The following PTBP3 variants were observed in gnomAD, a reference collection of about 807,000 sequenced individuals.
PTBP3 encodes polypyrimidine tract binding protein 3.
In PTBP3, 20 loss-of-function variants were observed where a neutral mutation model predicts 58.7. The observed-to-expected ratio is 0.34, with a 90% confidence interval of 0.24 to 0.50. PTBP3 has a LOEUF of 0.50. PTBP3 is among the 20% of genes least tolerant of loss of function. The probability of loss-of-function intolerance (pLI) is 0.98; values close to 1 mark genes in which losing one functional copy is unlikely to be tolerated. For missense variants in PTBP3, 509 were observed against 637.2 expected, an observed-to-expected ratio of 0.80 and a Z score of 2.17; for synonymous variants, 185 against 219.8, an observed-to-expected ratio of 0.84 and a Z score of 1.40.
At position 112,220,301 on chromosome 9, in the gene PTBP3, C is replaced by T. The variant is rs755566225; in HGVS notation, c.*3550G>A. ...GAACAGAGAGCCAGGCGTGGTGGCT[C>T]ATGCCTGTAATCCCAGCACTGTGGG... On this transcript the variant is annotated 3_prime_UTR_variant, in exon 14 of 14. Transcript: ENST00000374257. 9 of 1,314,862 alleles carry T rather than the reference C, an allele frequency of 6.8e-6. No individual in the cohort carries two copies. The highest frequency in any genetic ancestry group is 1.5e-5 in the African/African-American group (1 of 66,770). The allele number at this position is 1,314,862 out of a possible 1,614,324, so 81.4% of individuals were successfully genotyped here. A position where few individuals can be genotyped will look rare whatever the true frequency, so the allele number is the denominator to read the frequency against.
chr9:112,320,307 TATA>T (rs1829882523), intron 1 of PTBP3, among the ~76,000 whole-genome samples: 1 of 52,686 alleles, frequency 1.9e-5, no homozygotes, highest in South Asian at 9.0e-4. Context: ...TATATATATA[TATA>T]TATATTTTTT....
At chr9:112,330,675 A>G (rs1377505741) in intron 1 of PTBP3, among the ~76,000 whole-genome samples, 1 of 152,244 alleles carries the variant, frequency 6.6e-6, no homozygotes, top group East Asian at 1.9e-4. Context: ...GCAAATCCTT[A>G]CTACCAATGC....
chr9:112,266,661 G>C (rs1836812694), intron 4 of PTBP3, among the ~76,000 whole-genome samples: 1 of 152,056 alleles, frequency 6.6e-6, no homozygotes, highest in Admixed American at 6.6e-5. Flanking sequence ...AAGCTGATGA[G>C]GTAATGCTAT....
At chr9:112,266,323 ATAAG>A (rs1227928772) in intron 4 of PTBP3, among the ~76,000 whole-genome samples, 3 of 152,242 alleles carry the variant, frequency 2.0e-5, no homozygotes, top group South Asian at 2.1e-4. Flanking sequence ...AGAAATCAGT[ATAAG>A]TATTTTACAA....
intron 5 of PTBP3, 96 bp downstream of exon 5, chr9:112,262,339 C>T: frequency 1.9e-6 from 2 of 1,051,776 alleles, no homozygotes; most frequent in Non-Finnish European, 1.3e-6. Context: ...AATATATCAA[C>T]AAAACCAATA....
chr9:112,231,171 TCTCCCTGCGTTACA>T (rs1835183315), intron 10 of PTBP3, among the ~76,000 whole-genome samples, 195 bp downstream of exon 10: 1 of 150,244 alleles, frequency 6.7e-6, no homozygotes, highest in South Asian at 2.1e-4. Context: ...CTAGGTTAGG[TCTCCCTGCGTTACA>T]CTCCCTTTAC....
At chr9:112,296,891 A>G (rs1828714013) in intron 2 of PTBP3, among the ~76,000 whole-genome samples, 1 of 152,108 alleles carries the variant, frequency 6.6e-6, no homozygotes, top group Non-Finnish European at 1.5e-5. Context: ...ATTAATCATC[A>G]ATTACTATCA....
intron 2 of PTBP3, among the ~76,000 whole-genome samples, chr9:112,276,828 AAC>A (rs1827632323): frequency 6.6e-6 from 1 of 152,240 alleles, no homozygotes; most frequent in African/African-American, 2.4e-5. Flanking sequence ...GCCTGTAAGG[AAC>A]ACTTAAGTTT....
chr9:112,328,381 T>C (rs1267104635), intron 1 of PTBP3, among the ~76,000 whole-genome samples: 2 of 152,244 alleles, frequency 1.3e-5, no homozygotes, highest in Admixed American at 6.5e-5. Flanking sequence ...TATAAAAATA[T>C]AGATTGCTAC....
At chr9:112,268,598 G>A (rs1257744074) in intron 3 of PTBP3, among the ~76,000 whole-genome samples, 2 of 151,620 alleles carry the variant, frequency 1.3e-5, no homozygotes, top group Non-Finnish European at 2.9e-5. Context: ...TGGGGTGGGG[G>A]GGTGAGGGAG....
At chr9:112,365,517 C>A in the PTBP3 span, among the ~76,000 whole-genome samples, 2 of 152,208 alleles carry the variant, frequency 1.3e-5, no homozygotes, top group African/African-American at 2.4e-5. Context: ...GCTTCCCCAG[C>A]CATGTGGAAC....
intron 2 of PTBP3, among the ~76,000 whole-genome samples, chr9:112,284,693 C>T (rs1384583680): frequency 6.6e-6 from 1 of 152,108 alleles, no homozygotes; most frequent in African/African-American, 2.4e-5. Flanking sequence ...AAGAATCCGT[C>T]TCAAAAAACA....
At chr9:112,325,790 G>A (rs971516276) in intron 1 of PTBP3, among the ~76,000 whole-genome samples, 6 of 152,116 alleles carry the variant, frequency 3.9e-5, no homozygotes, top group Non-Finnish European at 8.8e-5. Context: ...TCGGGTGGCC[G>A]AGGCAAGCAG....
intron 2 of PTBP3, among the ~76,000 whole-genome samples, chr9:112,286,754 C>A (rs1245026373): frequency 2.6e-5 from 4 of 152,186 alleles, no homozygotes; most frequent in African/African-American, 9.7e-5. Flanking sequence ...AAGTTTCTAA[C>A]TGGTATCATT....
At chr9:112,252,610 G>A in intron 6 of PTBP3, 68 bp downstream of exon 6, 1 of 1,177,102 alleles carries the variant, frequency 8.5e-7, no homozygotes, top group Admixed American at 1.9e-5. Flanking sequence ...ACATGGTAAA[G>A]TGGGGCACAA....
chr9:112,333,607 G>T lies in PTBP3; in HGVS notation c.-189C>A. 3 of 1,139,178 alleles carry T rather than the reference G, an allele frequency of 2.6e-6. No homozygotes were observed. The highest frequency in any genetic ancestry group is 3.8e-6 in the Non-Finnish European group (3 of 791,304). 70.6% of individuals were successfully genotyped at this position (1,139,178 alleles called of 1,614,324 possible). On this transcript the variant is annotated 5_prime_UTR_variant, in exon 1 of 14. Coordinates refer to ENST00000374257, the MANE Select transcript of PTBP3 (RefSeq NM_001163788.4). ...TCTGCGGAGCCCCGGCCGGTCCGAG[G>T]TGGAAGGAGAGTGGGAACAGGGGCG...
chr9:112,256,370 T>C (rs956926794), intron 5 of PTBP3, among the ~76,000 whole-genome samples: 1 of 150,744 alleles, frequency 6.6e-6, no homozygotes, highest in Admixed American at 6.6e-5. Flanking sequence ...AACTGTCTCC[T>C]TTCATTAGAC....
At chr9:112,280,592 AAGG>A (rs1827812971) in intron 2 of PTBP3, among the ~76,000 whole-genome samples, 2 of 152,182 alleles carry the variant, frequency 1.3e-5, no homozygotes, top group African/African-American at 4.8e-5. Context: ...TTTATCACAA[AAGG>A]AGTTGAATTC....
chr9:112,338,950 A>C, the PTBP3 span, among the ~76,000 whole-genome samples: 1 of 152,136 alleles, frequency 6.6e-6, no homozygotes, highest in African/African-American at 2.4e-5. Flanking sequence ...CCAAAGTTGC[A>C]TTGGGCTTTC....
Sources: allele counts gnomAD v4.1 joint callset (sites outside exome capture counted in the v4.1 genomes callset), GRCh38; gene constraint gnomAD v4.1.1; transcripts MANE v1.5; gene names NCBI Gene and HGNC (gene_info 2026-07-23, HGNC 2026-07-21).